Variants in XKR9 observed in about 807,000 individuals in gnomAD.
The protein encoded by XKR9 is XK related 9, also known as XK-related protein 9.
A neutral mutation model predicts 32.0 loss-of-function variants in XKR9; 32 were observed. The observed-to-expected ratio is 1.00, with a 90% confidence interval of 0.76 to 1.34. The LOEUF (loss-of-function observed/expected upper bound fraction) is 1.34, where lower values mean the gene tolerates loss of function less well. Among genes scored for constraint, XKR9 ranks in the 40% most tolerant of loss-of-function variants. The pLI is 0.00. For synonymous variants in XKR9, 168 were observed against 143.4 expected, an observed-to-expected ratio of 1.17 and a Z score of -1.22; for missense variants, 546 against 429.7, an observed-to-expected ratio of 1.27 and a Z score of -2.39.
the XKR9 span, among the ~76,000 whole-genome samples, chr8:70,957,819 T>C: frequency 7.3e-6 from 1 of 137,156 alleles, no homozygotes; most frequent in African/African-American, 2.7e-5. Context: ...GGACGGAGTC[T>C]CACTCTTGCC....
the XKR9 span, among the ~76,000 whole-genome samples, chr8:70,936,348 T>C: frequency 1.3e-5 from 2 of 152,214 alleles, no homozygotes; most frequent in South Asian, 4.1e-4. Context: ...AATCTGCTCC[T>C]GTGAAAGAGT....
the XKR9 span, among the ~76,000 whole-genome samples, chr8:70,829,937 G>A: frequency 6.6e-6 from 1 of 151,910 alleles, no homozygotes; most frequent in Admixed American, 6.6e-5. Context: ...TTCTTCTTAT[G>A]AATTTATTTA....
downstream of XKR9, among the ~76,000 whole-genome samples, chr8:70,738,529 C>T (rs10096621): frequency 0.028 from 3,866 of 138,088 alleles, 192 homozygotes; most frequent in Middle Eastern, 0.043. Context: ...ATGTGTTTGC[C>T]CTTGCTTTTC....
chr8:70,716,116 GAAA>G, intron 4 of XKR9, among the ~76,000 whole-genome samples: 1 of 151,424 alleles, frequency 6.6e-6, no homozygotes. Context: ...TAAAAAACCA[GAAA>G]AAAAGGAACT....
the XKR9 span, among the ~76,000 whole-genome samples, chr8:70,980,012 T>G: frequency 6.6e-6 from 1 of 152,264 alleles, no homozygotes; most frequent in African/African-American, 2.4e-5. Context: ...CAGTTCGATC[T>G]GAGACTGCTG....
chr8:70,822,686 G>A, the XKR9 span, among the ~76,000 whole-genome samples: 6 of 151,656 alleles, frequency 4.0e-5, no homozygotes, highest in African/African-American at 7.3e-5. Flanking sequence ...CATTCTGTGT[G>A]ACAAGTTTAG....
chr8:70,835,142 A>G, the XKR9 span, among the ~76,000 whole-genome samples: 1 of 151,866 alleles, frequency 6.6e-6, no homozygotes, highest in African/African-American at 2.4e-5. Flanking sequence ...GAAGAAGCTT[A>G]GTTCTGATAG....
the XKR9 span, among the ~76,000 whole-genome samples, chr8:71,010,646 A>T: frequency 6.6e-6 from 1 of 152,102 alleles, no homozygotes; most frequent in Admixed American, 6.5e-5. Context: ...ATGGACCCCG[A>T]TTCTATTGTA....
chr8:70,921,518 A>T, the XKR9 span, among the ~76,000 whole-genome samples: 5 of 152,210 alleles, frequency 3.3e-5, no homozygotes, highest in African/African-American at 1.2e-4. Flanking sequence ...TTTTGCAAAA[A>T]TAACTTAATA....
At chr8:71,028,102 T>C in the XKR9 span, among the ~76,000 whole-genome samples, 39 of 152,338 alleles carry the variant, frequency 2.6e-4, no homozygotes, top group African/African-American at 8.7e-4. Context: ...TTGTGAATAA[T>C]GACATTGGAA....
the XKR9 span, among the ~76,000 whole-genome samples, chr8:70,909,734 A>G: frequency 7.9e-6 from 1 of 126,234 alleles, no homozygotes; most frequent in Non-Finnish European, 1.6e-5. Flanking sequence ...TTTTTAACAG[A>G]GTCTCACTCT....
intron 3 of XKR9, among the ~76,000 whole-genome samples, chr8:70,704,868 C>G (rs1805665956): frequency 1.3e-5 from 2 of 151,982 alleles, no homozygotes; most frequent in African/African-American, 4.8e-5. Flanking sequence ...TTTTTTTCTT[C>G]TGTACTTACA....
chr8:70,974,002 T>A, the XKR9 span, among the ~76,000 whole-genome samples: 64 of 152,322 alleles, frequency 4.2e-4, no homozygotes, highest in African/African-American at 1.5e-3. Flanking sequence ...ATAGTTTAAG[T>A]CCATTGTTTC....
chr8:70,854,946 C>T, the XKR9 span, among the ~76,000 whole-genome samples: 1 of 152,086 alleles, frequency 6.6e-6, no homozygotes, highest in Non-Finnish European at 1.5e-5. Flanking sequence ...AGTTTGAAGT[C>T]ATGTAGCATG....
At chr8:70,847,479 G>A in the XKR9 span, among the ~76,000 whole-genome samples, 992 of 151,628 alleles carry the variant, frequency 6.5e-3, 15 homozygotes, top group African/African-American at 0.023. Context: ...AAATAATGAA[G>A]ATCAGAGTAT....
chr8:71,032,668 A>G, the XKR9 span, among the ~76,000 whole-genome samples: 1 of 152,180 alleles, frequency 6.6e-6, no homozygotes, highest in African/African-American at 2.4e-5. Flanking sequence ...TCTATTTTTA[A>G]CAATTTTGTC....
At chr8:70,798,439 T>C in the XKR9 span, among the ~76,000 whole-genome samples, 1 of 152,144 alleles carries the variant, frequency 6.6e-6, no homozygotes, top group Non-Finnish European at 1.5e-5. Flanking sequence ...TTTTTATAGA[T>C]TCTGGGTATT....
the XKR9 span, among the ~76,000 whole-genome samples, chr8:70,852,268 A>C: frequency 6.6e-6 from 1 of 152,208 alleles, no homozygotes; most frequent in African/African-American, 2.4e-5. Flanking sequence ...GCGATTATTA[A>C]AAAGTCAGGA....
At chr8:70,690,064 A>G (rs1367053979) in intron 3 of XKR9, among the ~76,000 whole-genome samples, 5 of 152,176 alleles carry the variant, frequency 3.3e-5, no homozygotes, top group East Asian at 1.9e-4. Context: ...TGCCAGATAG[A>G]TAAACAAACA....
Sources: gnomAD v4.1 joint callset for allele counts (sites outside exome capture counted in the v4.1 genomes callset) on GRCh38, gnomAD v4.1.1 for gene constraint, MANE v1.5 for transcripts, NCBI Gene and HGNC (gene_info 2026-07-23, HGNC 2026-07-21) for gene names.